TRMT11: variants seen among roughly 807,000 people sequenced by gnomAD.
TRMT11 encodes the protein tRNA methyltransferase 11, also known as tRNA (guanine(10)-N(2))-methyltransferase TRMT11.
A neutral mutation model predicts 62.8 loss-of-function variants in TRMT11; 53 were observed. The ratio of observed to expected loss-of-function variants is 0.84; its 90% CI spans 0.68 to 1.06. The LOEUF (loss-of-function observed/expected upper bound fraction) is 1.06. TRMT11 is among the 50% of genes least tolerant of loss of function. The pLI is 0.00. For synonymous variants in TRMT11, 188 were observed against 190.3 expected (o/e 0.99, Z 0.10); for missense variants, 556 against 553.4 (o/e 1.00, Z -0.05).
At chr6:126,047,679 C>T (rs780856242) in intron 16 of TRMT11, among the ~76,000 whole-genome samples, 4 of 152,156 alleles carry the variant, frequency 2.6e-5, no homozygotes, top group Non-Finnish European at 4.4e-5. Context: ...GACCATTAAT[C>T]GTAACACAGT....
At chr6:126,032,934 A>C (rs1310232782) in intron 12 of TRMT11, among the ~76,000 whole-genome samples, 2 of 152,174 alleles carry the variant, frequency 1.3e-5, no homozygotes, top group African/African-American at 4.8e-5. Flanking sequence ...TCTGTTTGAA[A>C]ATACATTGAA....
intron 21 of TRMT11, among the ~76,000 whole-genome samples, chr6:126,165,138 C>T (rs753361685): frequency 5.3e-5 from 8 of 151,828 alleles, no homozygotes; most frequent in South Asian, 2.1e-4. Context: ...ATTAGCTGGG[C>T]GTAGTGGTGG....
At chr6:126,255,797 A>G in the TRMT11 span, among the ~76,000 whole-genome samples, 1 of 152,174 alleles carries the variant, frequency 6.6e-6, no homozygotes, top group Non-Finnish European at 1.5e-5. Flanking sequence ...ACATAAACCC[A>G]TGCCTTATAA....
chr6:126,063,846 CT>C (rs1422969367), intron 17 of TRMT11, among the ~76,000 whole-genome samples: 2 of 152,172 alleles, frequency 1.3e-5, no homozygotes, highest in Non-Finnish European at 2.9e-5. Flanking sequence ...TCCGAGCCTT[CT>C]GGGTCTGAAG....
intron 16 of TRMT11, among the ~76,000 whole-genome samples, chr6:126,050,329 CAAA>C (rs536546298): frequency 0.027 from 1,824 of 68,428 alleles, 39 homozygotes; most frequent in African/African-American, 0.068. Flanking sequence ...GACTTCATCT[CAAA>C]AAAAAAAAAA....
At chr6:126,191,457 T>C (rs1357664195) in intron 1 of TRMT11, among the ~76,000 whole-genome samples, 2 of 148,792 alleles carry the variant, frequency 1.3e-5, no homozygotes, top group East Asian at 3.9e-4. Context: ...GATGTAATCC[T>C]ACTTGTCTTT....
Position 126,166,718 on chromosome 6 carries a change from C to G in TRMT11, c.*1824-8107C>G, listed in dbSNP as rs549383906. 9.2e-5 allele frequency among the ~76,000 whole-genome samples: 14 copies of G among 152,280 alleles called. No homozygotes were observed. The East Asian group carries it at 2.7e-3, about 29-fold the overall frequency. On this transcript the variant is annotated intron_variant and NMD_transcript_variant, in intron 21 of 22. Coordinates refer to the TRMT11 transcript ENST00000648977. ...TGCTGAAGCTGCACCCAGAGCTGCC[C>G]CTTCCCCCAGGTGCTCTGTCCCAGG...
At chr6:126,222,096 A>G in the TRMT11 span, among the ~76,000 whole-genome samples, 1 of 151,896 alleles carries the variant, frequency 6.6e-6, no homozygotes, top group Admixed American at 6.6e-5. Context: ...GTTTTTGTCA[A>G]CTTTTCAAAG....
chr6:126,271,625 A>C, the TRMT11 span, among the ~76,000 whole-genome samples: 1 of 152,154 alleles, frequency 6.6e-6, no homozygotes, highest in Non-Finnish European at 1.5e-5. Flanking sequence ...TCTAAAAGAA[A>C]ATATGTAGGT....
At chr6:126,107,374 C>T (rs1379967449) in intron 17 of TRMT11, among the ~76,000 whole-genome samples, 1 of 152,134 alleles carries the variant, frequency 6.6e-6, no homozygotes, top group Non-Finnish European at 1.5e-5. Flanking sequence ...GAAGCCAATT[C>T]CCTTTTCTTT....
At chr6:125,990,839 T>C (rs1790493162) in intron 1 of TRMT11, among the ~76,000 whole-genome samples, 1 of 152,228 alleles carries the variant, frequency 6.6e-6, no homozygotes, top group Non-Finnish European at 1.5e-5. Context: ...TTTTACACTT[T>C]ACATTTCAGT....
At chr6:126,095,668 G>A (rs1777331473) in intron 17 of TRMT11, among the ~76,000 whole-genome samples, 1 of 152,132 alleles carries the variant, frequency 6.6e-6, no homozygotes, top group African/African-American at 2.4e-5. Flanking sequence ...GGTTGGAGGA[G>A]GGGAGAGAAA....
At chr6:126,044,773 T>A (rs1775999033) in intron 16 of TRMT11, among the ~76,000 whole-genome samples, 1 of 152,168 alleles carries the variant, frequency 6.6e-6, no homozygotes, top group Non-Finnish European at 1.5e-5. Context: ...AAAGATTGGG[T>A]TCCCTAAGCT....
the TRMT11 span, among the ~76,000 whole-genome samples, chr6:126,240,736 T>A: frequency 6.6e-6 from 1 of 152,250 alleles, no homozygotes; most frequent in Non-Finnish European, 1.5e-5. Flanking sequence ...TCTTCCAATC[T>A]GTCAGACAGA....
At chr6:125,996,180 G>A in intron 3 of TRMT11, 140 bp downstream of exon 3, 1 of 562,718 alleles carries the variant, frequency 1.8e-6, no homozygotes, top group Admixed American at 3.5e-5. Flanking sequence ...TGGCGGTGGG[G>A]GACCAGAGGA....
intron 7 of TRMT11, among the ~76,000 whole-genome samples, chr6:126,000,807 C>T (rs1171805668): frequency 6.6e-6 from 1 of 152,108 alleles, no homozygotes; most frequent in Non-Finnish European, 1.5e-5. Context: ...CTCCATATCA[C>T]CTACCCTCAG....
chr6:126,184,063 G>A (rs1335113312), intron 1 of TRMT11, among the ~76,000 whole-genome samples: 29 of 152,046 alleles, frequency 1.9e-4, no homozygotes, highest in Admixed American at 1.9e-3. Context: ...TATCTTATTT[G>A]GCTTTATAAT....
chr6:126,185,112 G>A (rs1342974333), intron 1 of TRMT11, among the ~76,000 whole-genome samples: 1 of 151,938 alleles, frequency 6.6e-6, no homozygotes, highest in Non-Finnish European at 1.5e-5. Flanking sequence ...AGAGAAAGGA[G>A]AAAACATGGT....
At chr6:126,147,725 C>T (rs897582443) in intron 21 of TRMT11, among the ~76,000 whole-genome samples, 12 of 151,978 alleles carry the variant, frequency 7.9e-5, no homozygotes, top group African/African-American at 2.4e-4. Context: ...CACTGGAGAG[C>T]CAGAGGGCTG....
Sources: allele counts gnomAD v4.1 joint callset (sites outside exome capture counted in the v4.1 genomes callset), GRCh38; gene constraint gnomAD v4.1.1; transcripts MANE v1.5; gene names NCBI Gene and HGNC (gene_info 2026-07-23, HGNC 2026-07-21).